FCRL5: variants seen among roughly 807,000 people sequenced by gnomAD.
The protein encoded by FCRL5 is Fc receptor like 5.
A neutral mutation model predicts 92.1 loss-of-function variants in FCRL5; 79 were observed. That is an observed-to-expected ratio of 0.86 (90% CI 0.72 to 1.03). FCRL5 has a LOEUF of 1.03. Among genes scored for constraint, FCRL5 ranks in the 50% least tolerant of loss-of-function variants. The pLI, the probability that FCRL5 is intolerant of heterozygous loss-of-function variation, is 0.00. For missense variants in FCRL5, 1,160 were observed against 1,181.1 expected (o/e 0.98, Z 0.26); for synonymous variants, 466 against 469.3 (o/e 0.99, Z 0.09).
At position 157,527,697 on chromosome 1, in the gene FCRL5, T is replaced by C. The variant is rs748914959; in HGVS notation, c.1880A>G (p.Glu627Gly). 6.2e-7 allele frequency: 1 copy of C among 1,614,216 alleles called. No homozygotes were observed. The highest frequency in any genetic ancestry group is 1.1e-5 in the South Asian group (1 of 91,086). Residue 627 changes from glutamate (E) to glycine (G), a missense_variant, in exon 9 of 17, where the codon GAA (glutamate) becomes GGA (glycine). Transcript: ENST00000361835. Reference protein sequence around the residue: ...EASFNLSLTAEHSGNYSCEAN... With the variant: ...EASFNLSLTAGHSGNYSCEAN... ...CTCACATGAGTAGTTTCCAGAATGT[T>C]CTGCAGTCAGAGAGAGGTTGAAAGA... is the stretch of plus-strand genomic sequence containing the variant.
intron 7 of FCRL5, among the ~76,000 whole-genome samples, chr1:157,536,767 C>T (rs547647163): frequency 1.3e-4 from 20 of 152,312 alleles, no homozygotes; most frequent in South Asian, 4.1e-4. Context: ...CATCTTGTTG[C>T]GGGAAGTCAG....
At position 157,524,494 on chromosome 1, in the gene FCRL5, A is replaced by C; in HGVS notation, c.2024T>G (p.Leu675Arg). The C allele has an allele frequency of 1.2e-6, 2 of 1,614,160 alleles. No homozygotes were observed. Among genetic ancestry groups the C allele is most frequent in the Non-Finnish European group, 1.7e-6 (2 of 1,179,968 alleles). Residue 675 changes from leucine (L) to arginine (R), a missense_variant, in exon 10 of 17, where the codon CTG becomes CGG. Transcript: ENST00000361835. Reference protein sequence around the residue: ...APRAQAVVGDLLELHCEALRG... With the variant: ...APRAQAVVGDRLELHCEALRG... ...CAGGGCCTCACAGTGAAGCTCCAGC[A>C]GGTCCCCCACCACAGCCTGGGCCCT... is the stretch of plus-strand genomic sequence containing the variant.
chr1:157,537,995 G>A (rs1404511245), intron 7 of FCRL5, among the ~76,000 whole-genome samples: 4 of 152,146 alleles, frequency 2.6e-5, no homozygotes, highest in African/African-American at 9.7e-5. Context: ...GCAGGGCCAG[G>A]TTAGTGTAGT....
rs758024949 is a variant in FCRL5, at chr1:157,527,884, G to A, written c.1693C>T (p.Arg565Cys). ...GGAACCCTGAGGGTGAGGATGGGGC[G>A]AGACACTGGAACTGAGAGAGAAAAT... ...VSLFVTVPVS[R>C]PILTLRVPRA... is the part of the protein sequence containing the mutation. Residue 565 changes from arginine to cysteine, a missense_variant, in exon 9 of 17, where the codon CGC becomes TGC. Coordinates refer to ENST00000361835, the MANE Select transcript of FCRL5 (RefSeq NM_031281.3). The A allele has an allele frequency of 1.5e-5, 24 of 1,580,782 alleles. No individual in the cohort carries two copies. The highest frequency in any genetic ancestry group is 1.3e-4 in the East Asian group (6 of 44,692).
chr1:157,527,260 A>T (rs917723925), intron 9 of FCRL5, among the ~76,000 whole-genome samples: 1 of 152,254 alleles, frequency 6.6e-6, no homozygotes, highest in African/African-American at 2.4e-5. Context: ...CAGACAGAGA[A>T]AACCACAACT....
chr1:157,536,500 A>G (rs947521544), intron 7 of FCRL5, among the ~76,000 whole-genome samples: 3 of 152,272 alleles, frequency 2.0e-5, no homozygotes, highest in Non-Finnish European at 4.4e-5. Context: ...AGGTTGCTCT[A>G]TGACCTGATC....
Position 157,521,144 on chromosome 1 carries a change from C to A in FCRL5, c.2388G>T (p.Arg796Ser). ...FFHEDVTLGN[R>S]SSPSGGASLN... The stretch of plus-strand genomic sequence containing the variant: ...AGGACGCTCCTCCAGAGGGGGACGA[C>A]CTATTTCCTAGGGTGACATCCTCAT... Residue 796 changes from arginine (R) to serine (S), a missense_variant, in exon 11 of 17, where the codon AGG becomes AGT. By Grantham distance (110) the Arg-to-Ser change is moderately radical (BLOSUM62 -1). Transcript: ENST00000361835. 6.2e-7 allele frequency: 1 copy of A among 1,614,140 alleles called. No homozygotes were observed. The highest frequency in any genetic ancestry group is 1.6e-4 in the Middle Eastern group (1 of 6,062).
intron 8 of FCRL5, 105 bp downstream of exon 8, chr1:157,534,509 A>G (rs1278526690): frequency 1.5e-6 from 2 of 1,357,958 alleles, no homozygotes; most frequent in South Asian, 2.4e-5. Flanking sequence ...GAAGGGGATT[A>G]AGTTGATTAG....
chr1:157,534,520 G>A, intron 8 of FCRL5, 94 bp downstream of exon 8: 1 of 1,443,490 alleles, frequency 6.9e-7, no homozygotes, highest in Non-Finnish European at 9.7e-7. Flanking sequence ...AGTTGATTAG[G>A]GGAGGAAACT....
At chr1:157,545,522 GTTTTTTTTTTTTTT>G (rs754972248) in intron 3 of FCRL5, among the ~76,000 whole-genome samples, 1 of 84,940 alleles carries the variant, frequency 1.2e-5, no homozygotes, top group Non-Finnish European at 2.1e-5. Context: ...TCTTTAATGA[GTTTTTTTTTTTTTT>G]TTTTTTTTTT....
rs1384211053 is a variant in FCRL5, at chr1:157,544,482, G to A, written c.624C>T (p.Thr208=). 4.3e-6 allele frequency: 7 copies of A among 1,614,170 alleles called. No homozygotes were observed. The highest frequency in any genetic ancestry group is 2.2e-5 in the South Asian group (2 of 91,080). ...GAGAGAGCTGGGTCTCACAGGTCAG[G>A]GTCACTGGGTTCCCGCTGATGGGCT... ...SFQPISGNPV[T]LTCETQLSLE... is the part of the protein sequence containing the mutation. Residue 208 remains threonine (T), a synonymous_variant, in exon 5 of 17, where the codon ACC becomes ACT. Transcript: ENST00000361835.
chr1:157,522,012 G>C (rs1186634771), intron 10 of FCRL5: 1 of 152,182 alleles, frequency 6.6e-6, no homozygotes, highest in Non-Finnish European at 1.5e-5. Flanking sequence ...TGATATCCAA[G>C]ATGCATTTCT....
In FCRL5 at chr1:157,544,340, C is replaced by G; in HGVS notation, c.766G>C (p.Gly256Arg). 4 of 1,614,204 alleles carry G rather than the reference C, an allele frequency of 2.5e-6. No individual in the cohort carries two copies. The highest frequency in any genetic ancestry group is 3.4e-6 in the Non-Finnish European group (4 of 1,180,030). ...GTTGCTGCCTTACACCAGTAGAACCCTGAATCTTTACTCCACATGGCAGTA... is the reference window on the plus strand; with the variant it reads ...GTTGCTGCCTTACACCAGTAGAACCGTGAATCTTTACTCCACATGGCAGTA... ...QITAMWSKDS[G>R]FYWCKAATMP... Residue 256 changes from glycine (G) to arginine (R), a missense_variant, in exon 5 of 17, where the codon GGG becomes CGG. Gly to Arg is a moderately radical substitution (Grantham distance 125). Transcript: ENST00000361835.
intron 13 of FCRL5, 27 bp downstream of exon 13, chr1:157,519,716 C>G (rs1216579802): frequency 1.2e-6 from 2 of 1,611,086 alleles, no homozygotes; most frequent in East Asian, 2.2e-5. Context: ...TTTCACTAAT[C>G]ACACAGGAAT....
chr1:157,552,487 T>C lies in FCRL5; in HGVS notation c.-125A>G, dbSNP rs1285042885. 4.0e-6 allele frequency: 4 copies of C among 995,184 alleles called. No individual in the cohort carries two copies. The highest frequency in any genetic ancestry group is 6.3e-6 in the Non-Finnish European group (4 of 631,476). 61.6% of individuals were successfully genotyped at this position (995,184 alleles called of 1,614,324 possible). ...TCCAAGGAGCACATCTGAGAAGCTG[T>C]GCTCTCAAAAAGAGCAGAATGCATT... On this transcript the variant is annotated 5_prime_UTR_variant, in exon 1 of 17. Coordinates refer to ENST00000361835, the MANE Select transcript of FCRL5 (RefSeq NM_031281.3).
intron 1 of FCRL5, 38 bp downstream of exon 1, chr1:157,552,294 G>T: frequency 6.2e-7 from 1 of 1,609,958 alleles, no homozygotes; most frequent in Non-Finnish European, 8.5e-7. Flanking sequence ...AAGCTGTCCC[G>T]ATCCCACCCA....
intron 11 of FCRL5, 67 bp from the exon 12 acceptor site, chr1:157,520,614 G>A (rs1366492435): frequency 1.6e-6 from 2 of 1,263,662 alleles, no homozygotes; most frequent in African/African-American, 3.0e-5. Context: ...GCTCCCGGAA[G>A]CTGCTGCCTG....
intron 7 of FCRL5, among the ~76,000 whole-genome samples, chr1:157,538,738 C>T (rs143882909): frequency 6.6e-6 from 1 of 152,210 alleles, no homozygotes; most frequent in Admixed American, 6.5e-5. Context: ...AGAACTGAGT[C>T]TGAGTCTATA....
chr1:157,549,619 T>A, intron 1 of FCRL5, 39 bp from the exon 2 acceptor site: 3 of 1,596,432 alleles, frequency 1.9e-6, no homozygotes, highest in Non-Finnish European at 2.6e-6. Context: ...CACAGAACCA[T>A]GATTATTTTG....
Sources: gnomAD v4.1 joint callset for allele counts (sites outside exome capture counted in the v4.1 genomes callset) on GRCh38, gnomAD v4.1.1 for gene constraint, MANE v1.5 for transcripts, NCBI Gene and HGNC (gene_info 2026-07-23, HGNC 2026-07-21) for gene names.